Variants in CDH4 observed in about 807,000 individuals in gnomAD.
CDH4 encodes the protein cadherin 4.
Under a neutral mutation model 86.0 loss-of-function variants are expected in CDH4, and 33 were observed. That is an observed-to-expected ratio of 0.38 (90% CI 0.29 to 0.51). CDH4 has a LOEUF of 0.51. CDH4 is among the 20% of genes least tolerant of loss of function. The pLI, the probability that CDH4 is intolerant of heterozygous loss-of-function variation, is 0.86. For synonymous variants in CDH4, 555 were observed against 549.4 expected, an observed-to-expected ratio of 1.01 and a Z score of -0.14; for missense variants, 1,114 against 1,307.4, an observed-to-expected ratio of 0.85 and a Z score of 2.28.
At chr20:61,722,319 C>A (rs1387660787) in intron 2 of CDH4, among the ~76,000 whole-genome samples, 1 of 152,192 alleles carries the variant, frequency 6.6e-6, no homozygotes, top group African/African-American at 2.4e-5. Flanking sequence ...TCTAGCCCAG[C>A]GTGCTGGTCA....
chr20:61,325,037 G>A (rs549149435), intron 2 of CDH4, among the ~76,000 whole-genome samples: 7 of 152,236 alleles, frequency 4.6e-5, no homozygotes, highest in African/African-American at 9.6e-5. Context: ...GGCGAGTCCC[G>A]TAACCTGCCA....
At chr20:61,794,719 G>A (rs1253636223) in intron 4 of CDH4, among the ~76,000 whole-genome samples, 1 of 152,146 alleles carries the variant, frequency 6.6e-6, no homozygotes, top group Non-Finnish European at 1.5e-5. Flanking sequence ...ATGCACCTAG[G>A]ACCAAAAAGA....
intron 2 of CDH4, among the ~76,000 whole-genome samples, chr20:61,742,554 T>G (rs1289386526): frequency 6.6e-6 from 1 of 152,180 alleles, no homozygotes; most frequent in Non-Finnish European, 1.5e-5. Flanking sequence ...CAAAATTGCT[T>G]GAAAAACCAA....
At chr20:61,370,756 A>G (rs982828324) in intron 2 of CDH4, 2 of 152,232 alleles carry the variant, frequency 1.3e-5, no homozygotes, top group Non-Finnish European at 2.9e-5. Flanking sequence ...TCACTTGGAT[A>G]TTAAGCTTTT....
chr20:61,875,862 TC>T (rs1281601184), intron 7 of CDH4, among the ~76,000 whole-genome samples: 1 of 152,058 alleles, frequency 6.6e-6, no homozygotes, highest in East Asian at 1.9e-4. Context: ...CCAGATACCG[TC>T]CCCCATCTCC....
chr20:61,600,317 G>A (rs561715699), intron 2 of CDH4, among the ~76,000 whole-genome samples: 85 of 152,334 alleles, frequency 5.6e-4, no homozygotes, highest in African/African-American at 2.0e-3. Context: ...TATTTCCCAG[G>A]GTGGGGATGG....
rs943810268 is a variant in CDH4 at position 61,506,173 on chromosome 20, TGAC to T, written c.170-237389_170-237387del. ...TGACAGAAATGAATCTTTCTCAAAA[TGAC>T]AAGTTAGGAAACGTATGCATTCGGT... On this transcript the variant is annotated intron_variant, in intron 2 of 15. Transcript: ENST00000614565. Among the ~76,000 whole-genome samples, 80 of 152,350 alleles carry T rather than the reference TGAC, an allele frequency of 5.3e-4. 2 individuals are homozygous for T. Among genetic ancestry groups the T allele is most frequent in the Admixed American group, 4.8e-3 (74 of 15,306 alleles).
At chr20:61,604,452 G>A (rs2086627020) in intron 2 of CDH4, among the ~76,000 whole-genome samples, 1 of 152,222 alleles carries the variant, frequency 6.6e-6, no homozygotes, top group Admixed American at 6.5e-5. Context: ...TGGAAGAAAT[G>A]CTTCCTTGGC....
At chr20:61,368,628 TGCCTTA>T (rs2084823418) in intron 2 of CDH4, among the ~76,000 whole-genome samples, 1 of 152,080 alleles carries the variant, frequency 6.6e-6, no homozygotes, top group Admixed American at 6.5e-5. Flanking sequence ...GTGATTCTCC[TGCCTTA>T]GCCTCCCAAG....
chr20:61,667,535 G>A (rs970921236), intron 2 of CDH4, among the ~76,000 whole-genome samples: 18 of 152,210 alleles, frequency 1.2e-4, no homozygotes, highest in Non-Finnish European at 2.4e-4. Context: ...GGCATAATGC[G>A]CCCAGACGGC....
chr20:61,640,712 T>C (rs1256513468), intron 2 of CDH4, among the ~76,000 whole-genome samples: 1 of 152,164 alleles, frequency 6.6e-6, no homozygotes, highest in African/African-American at 2.4e-5. Context: ...CAGCCTTGAA[T>C]CCATACATGA....
intron 8 of CDH4, among the ~76,000 whole-genome samples, chr20:61,909,667 C>T (rs2054828558): frequency 6.6e-6 from 1 of 152,172 alleles, no homozygotes; most frequent in Admixed American, 6.5e-5. Context: ...TGCGTCTTCT[C>T]TTCTTTGTGA....
intron 4 of CDH4, among the ~76,000 whole-genome samples, chr20:61,808,872 G>C (rs1980279598): frequency 6.6e-6 from 1 of 151,720 alleles, no homozygotes; most frequent in South Asian, 2.1e-4. Flanking sequence ...TTAAACTACA[G>C]ACGTTGATTT....
At chr20:61,674,262 G>A (rs1381437594) in intron 2 of CDH4, among the ~76,000 whole-genome samples, 1 of 152,206 alleles carries the variant, frequency 6.6e-6, no homozygotes, top group African/African-American at 2.4e-5. Context: ...GGTGACAAGG[G>A]CGAGGTGGAG....
chr20:61,333,770 G>T (rs966655729), intron 2 of CDH4, among the ~76,000 whole-genome samples: 7 of 152,230 alleles, frequency 4.6e-5, no homozygotes, highest in African/African-American at 1.7e-4. Flanking sequence ...TATCAGAGTG[G>T]CTCAAAATTA....
intron 2 of CDH4, among the ~76,000 whole-genome samples, chr20:61,659,043 A>G (rs1431468583): frequency 1.3e-5 from 2 of 152,112 alleles, no homozygotes; most frequent in Non-Finnish European, 2.9e-5. Context: ...TCAACCTCAT[A>G]CTCCAATAGT....
In CDH4 at chr20:61,784,721, CAA is replaced by C. The variant is rs1485341541; in HGVS notation, c.576+11540_576+11541del. On this transcript the variant is annotated intron_variant, in intron 4 of 15. Coordinates refer to ENST00000614565, the MANE Select transcript of CDH4 (RefSeq NM_001794.5). Reference sequence around the variant, plus strand: ...AATCCCAGTTCCTCGGGACAGTTCTCAAGGCCCTCCGATATCCTGTGCCCCCA... The same window carrying C: ...AATCCCAGTTCCTCGGGACAGTTCTCGGCCCTCCGATATCCTGTGCCCCCA... 2.5e-5 allele frequency among the ~76,000 whole-genome samples: 3 copies of C among 120,372 alleles called. 1 individual carries two copies. Among genetic ancestry groups the C allele is most frequent in the African/African-American group, 1.0e-4 (3 of 29,600 alleles). 79.0% of individuals were successfully genotyped at this position (120,372 alleles called of 152,430 possible). A position where few individuals can be genotyped will look rare whatever the true frequency, so the allele number is the denominator to read the frequency against.
At chr20:61,675,252 G>A (rs6121755) in intron 2 of CDH4, among the ~76,000 whole-genome samples, 76,986 of 149,160 alleles carry the variant, frequency 0.52, 20,345 homozygotes, top group Admixed American at 0.59. Context: ...AACAACCATC[G>A]TAGGGGCTGA....
At chr20:61,690,327 G>A (rs1183827872) in intron 2 of CDH4, among the ~76,000 whole-genome samples, 2 of 152,190 alleles carry the variant, frequency 1.3e-5, no homozygotes, top group African/African-American at 4.8e-5. Flanking sequence ...CTCCCGGGAG[G>A]CTTCCCGGAG....
Sources: gnomAD v4.1 joint callset for allele counts (sites outside exome capture counted in the v4.1 genomes callset) on GRCh38, gnomAD v4.1.1 for gene constraint, MANE v1.5 for transcripts, NCBI Gene and HGNC (gene_info 2026-07-23, HGNC 2026-07-21) for gene names.